The following PLD1 variants were observed in gnomAD, a reference collection of about 807,000 sequenced individuals.
The protein encoded by PLD1 is phospholipase D1, also known as choline phosphatase 1.
In PLD1, 112 loss-of-function variants were observed where a neutral mutation model predicts 137.1. That is an observed-to-expected ratio of 0.82 (90% CI 0.70 to 0.96). The LOEUF (loss-of-function observed/expected upper bound fraction) is 0.96. Among genes scored for constraint, PLD1 ranks in the 40% least tolerant of loss-of-function variants. The pLI is 0.00. For missense variants in PLD1, 1,321 were observed against 1,342.0 expected, an observed-to-expected ratio of 0.98 and a Z score of 0.24; for synonymous variants, 431 against 454.7, an observed-to-expected ratio of 0.95 and a Z score of 0.66.
At chr3:171,797,455 G>T (rs1203501749) in intron 1 of PLD1, among the ~76,000 whole-genome samples, 1 of 152,054 alleles carries the variant, frequency 6.6e-6, no homozygotes, top group Non-Finnish European at 1.5e-5. Context: ...TCTCTGCCCA[G>T]CCCAGACCTA....
rs562707109 is a variant in PLD1 at position 171,652,407 on chromosome 3, C to T, written c.2429+6806G>A. Among the ~76,000 whole-genome samples the T allele has an allele frequency of 4.3e-3, 587 of 137,040 alleles. 4 individuals are homozygous for T. The highest frequency in any genetic ancestry group is 0.016 in the African/African-American group (555 of 34,800). The allele number at this position is 137,040 out of a possible 152,430, so 89.9% of individuals were successfully genotyped here. ...CAGCCTCGGCGACAGAGTGAGACTC[C>T]TTCTCAAAAAAAAAAAAAAAAAAAG... On this transcript the variant is annotated intron_variant, in intron 21 of 26. Coordinates refer to ENST00000351298, the MANE Select transcript of PLD1 (RefSeq NM_002662.5).
chr3:171,662,026 G>C (rs756822546), intron 20 of PLD1, 34 bp downstream of exon 20: 1 of 1,220,764 alleles, frequency 8.2e-7, no homozygotes, highest in Non-Finnish European at 1.2e-6. Context: ...AGGGAAGGCA[G>C]TTTCTCACAC....
chr3:171,763,253 G>T (rs1222463262), intron 1 of PLD1, among the ~76,000 whole-genome samples: 1 of 151,460 alleles, frequency 6.6e-6, no homozygotes, highest in Non-Finnish European at 1.5e-5. Context: ...CTGAAAGAAA[G>T]GTTTATTAAA....
At chr3:171,660,431 T>A (rs1560190115) in intron 20 of PLD1, among the ~76,000 whole-genome samples, 1 of 152,202 alleles carries the variant, frequency 6.6e-6, no homozygotes, top group Non-Finnish European at 1.5e-5. Context: ...ACTGGCTACA[T>A]GTCATGTCCT....
intron 1 of PLD1, among the ~76,000 whole-genome samples, chr3:171,764,894 AG>A (rs1224934183): frequency 0.011 from 287 of 27,000 alleles, 13 homozygotes; most frequent in African/African-American, 0.014. Flanking sequence ...AAAGAAAGAA[AG>A]GAAGGAAGGA....
chr3:171,731,710 T>C (rs958598362), intron 6 of PLD1, among the ~76,000 whole-genome samples: 1 of 151,756 alleles, frequency 6.6e-6, no homozygotes, highest in Non-Finnish European at 1.5e-5. Flanking sequence ...AGGCGGCGGT[T>C]GCAGTGAGCC....
chr3:171,635,968 T>C (rs954347831), intron 23 of PLD1, among the ~76,000 whole-genome samples: 1 of 54,638 alleles, frequency 1.8e-5, no homozygotes, highest in Admixed American at 2.0e-4. Flanking sequence ...TCAACTTCTT[T>C]TTTTTTTTTT....
chr3:171,766,078 C>A (rs758279627), intron 1 of PLD1, among the ~76,000 whole-genome samples: 2 of 152,194 alleles, frequency 1.3e-5, no homozygotes, highest in African/African-American at 4.8e-5. Context: ...TATAAAAATT[C>A]ATTTTACCTC....
chr3:171,711,167 CT>C (rs562934959), intron 9 of PLD1, among the ~76,000 whole-genome samples: 3,441 of 94,700 alleles, frequency 0.036, 33 homozygotes, highest in East Asian at 0.1. Context: ...CTGTGCCAGC[CT>C]TTTTTTTTTT....
chr3:171,628,326 C>T (rs973180727), intron 23 of PLD1, among the ~76,000 whole-genome samples: 2 of 152,184 alleles, frequency 1.3e-5, no homozygotes, highest in African/African-American at 4.8e-5. Context: ...AGTTGAATCT[C>T]TGAACAGACC....
chr3:171,619,712 G>C (rs1484111007), intron 24 of PLD1, among the ~76,000 whole-genome samples: 4 of 152,110 alleles, frequency 2.6e-5, no homozygotes, highest in Non-Finnish European at 5.9e-5. Flanking sequence ...TTACCACAAG[G>C]TACTCACTTA....
chr3:171,633,802 T>G (rs769484241), intron 23 of PLD1, among the ~76,000 whole-genome samples: 14 of 152,124 alleles, frequency 9.2e-5, no homozygotes, highest in Admixed American at 5.9e-4. Flanking sequence ...TATACTAAAT[T>G]GGCTGCTAAA....
intron 1 of PLD1, among the ~76,000 whole-genome samples, chr3:171,791,318 G>A (rs145926816): frequency 2.3e-4 from 35 of 152,276 alleles, no homozygotes; most frequent in African/African-American, 7.9e-4. Flanking sequence ...AACAACCCTT[G>A]CACATGTCTG....
At chr3:171,668,815 A>G (rs1307499980) in intron 19 of PLD1, among the ~76,000 whole-genome samples, 1 of 152,214 alleles carries the variant, frequency 6.6e-6, no homozygotes, top group Non-Finnish European at 1.5e-5. Flanking sequence ...TCAGCTTAAT[A>G]GACATGTCAA....
chr3:171,718,091 T>G (rs967104516), intron 8 of PLD1, among the ~76,000 whole-genome samples: 1 of 152,114 alleles, frequency 6.6e-6, no homozygotes, highest in African/African-American at 2.4e-5. Context: ...AAGATTCAAA[T>G]AAACACAATT....
intron 1 of PLD1, among the ~76,000 whole-genome samples, chr3:171,738,628 AG>A (rs1342878523): frequency 6.6e-6 from 1 of 152,218 alleles, no homozygotes; most frequent in African/African-American, 2.4e-5. Flanking sequence ...TCTTCAAGAA[AG>A]GAGATTTTGG....
intron 1 of PLD1, among the ~76,000 whole-genome samples, chr3:171,788,223 T>C (rs1723082198): frequency 6.7e-6 from 1 of 149,834 alleles, no homozygotes; most frequent in Non-Finnish European, 1.5e-5. Flanking sequence ...TAAATTAACT[T>C]TTGTGTTTGT....
chr3:171,737,579 T>C lies in PLD1; in HGVS notation c.241A>G (p.Ile81Val). 6.2e-7 allele frequency: 1 copy of C among 1,613,278 alleles called. No homozygotes were observed. ...TCCACTTCCAGAACTTGTGCTTTTA[T>C]TGGACAGCCGGAGAGATACGTCTGT... ...NIQTYLSGCPIKAQVLEVERF... is the reference protein window; with the variant it reads ...NIQTYLSGCPVKAQVLEVERF... The change falls in exon 3 of 27, where the codon ATA becomes GTA. Residue 81 changes from isoleucine (I) to valine (V), a missense_variant. Ile to Val is a conservative substitution (Grantham distance 29, BLOSUM62 3). Transcript: ENST00000351298.
chr3:171,654,743 G>A (rs78533634), intron 21 of PLD1, among the ~76,000 whole-genome samples: 5,205 of 152,146 alleles, frequency 0.034, 322 homozygotes, highest in African/African-American at 0.12. Context: ...AGTGGGTTGG[G>A]CAGCTGGCTT....
Sources: allele counts gnomAD v4.1 joint callset (sites outside exome capture counted in the v4.1 genomes callset), GRCh38; gene constraint gnomAD v4.1.1; transcripts MANE v1.5; gene names NCBI Gene and HGNC (gene_info 2026-07-23, HGNC 2026-07-21).